SPEF2: variants seen among roughly 807,000 people sequenced by gnomAD.
SPEF2 encodes the protein sperm flagella and cilia-associated protein 2.
SPEF2 carries 187 observed loss-of-function variants against 224.6 expected under a neutral mutation model. The ratio of observed to expected loss-of-function variants is 0.83; its 90% CI spans 0.74 to 0.94. The LOEUF is 0.94. Ranked by LOEUF, SPEF2 falls within the 40% of genes least tolerant of loss-of-function variation. SPEF2 has a pLI of 0.00. For synonymous variants in SPEF2, 715 were observed against 707.3 expected (o/e 1.01, Z -0.17); for missense variants, 2,170 against 2,135.6 (o/e 1.02, Z -0.32).
chr5:35,658,588 T>C (rs920636439), intron 7 of SPEF2, among the ~76,000 whole-genome samples: 1 of 152,234 alleles, frequency 6.6e-6, no homozygotes, highest in Non-Finnish European at 1.5e-5. Flanking sequence ...GCACTTATTT[T>C]TTTTTTAACT....
chr5:35,695,704 A>G, intron 13 of SPEF2, 31 bp from the exon 14 acceptor site: 2 of 1,585,904 alleles, frequency 1.3e-6, no homozygotes, highest in Non-Finnish European at 1.7e-6. Context: ...AAATACCAGA[A>G]ATTTGTTCTT....
chr5:35,686,316 T>A (rs911756722), intron 10 of SPEF2, among the ~76,000 whole-genome samples: 5 of 152,150 alleles, frequency 3.3e-5, no homozygotes, highest in Non-Finnish European at 5.9e-5. Context: ...CCAAATAATC[T>A]TAAAATATAA....
chr5:35,667,283 A>T, intron 9 of SPEF2, 24 bp downstream of exon 9: 1 of 1,558,472 alleles, frequency 6.4e-7, no homozygotes, highest in Non-Finnish European at 8.8e-7. Flanking sequence ...TTGTAATAAC[A>T]GTAGAGACAC....
intron 12 of SPEF2, among the ~76,000 whole-genome samples, chr5:35,694,067 G>A (rs899065291): frequency 1.3e-5 from 2 of 152,136 alleles, no homozygotes; most frequent in Non-Finnish European, 2.9e-5. Context: ...TTACATCACA[G>A]GTTGCTGTGT....
At position 35,800,000 on chromosome 5, in the gene SPEF2, G is replaced by T; in HGVS notation, c.4863G>T (p.Lys1621Asn). 6.2e-7 allele frequency: 1 copy of T among 1,613,912 alleles called. No individual in the cohort carries two copies. The highest frequency in any genetic ancestry group is 2.2e-5 in the East Asian group (1 of 44,844). Residue 1621 changes from lysine (K) to asparagine (N), a missense_variant, in exon 34 of 37, where the codon AAG becomes AAT. Transcript: ENST00000356031. ...FFFRLFADYE[K>N]DPPQLDYTQM... ...TTAGGCTATTTGCTGACTATGAGAA[G>T]GATCCACCCCAGCTTGACTACACAC... is the stretch of plus-strand genomic sequence containing the variant.
chr5:35,734,700 CTTTTTTTTCTTTTT>C (rs1746245353), intron 21 of SPEF2, among the ~76,000 whole-genome samples: 1 of 29,362 alleles, frequency 3.4e-5, no homozygotes, highest in African/African-American at 6.3e-5. Context: ...GAATTGCTTT[CTTTTTTTTCTTTTT>C]TTTTTTTTTT....
intron 36 of SPEF2, among the ~76,000 whole-genome samples, chr5:35,811,767 C>CTTTTTTTTTT (rs1203514196): frequency 5.2e-5 from 6 of 115,436 alleles, no homozygotes; most frequent in African/African-American, 2.2e-4. Context: ...TTTGCCATTA[C>CTTTTTTTTTT]TTTTTTTTTT....
chr5:35,741,972 C>T (rs984402483), intron 23 of SPEF2, among the ~76,000 whole-genome samples: 8 of 151,882 alleles, frequency 5.3e-5, no homozygotes, highest in East Asian at 1.9e-4. Flanking sequence ...ATTCCAAATG[C>T]GACATATGTT....
chr5:35,706,368 C>G (rs912647006), intron 18 of SPEF2, among the ~76,000 whole-genome samples: 1 of 151,870 alleles, frequency 6.6e-6, no homozygotes, highest in Non-Finnish European at 1.5e-5. Flanking sequence ...ATCTTACCCA[C>G]ATAAAACTGC....
chr5:35,807,497 G>T, intron 36 of SPEF2: 4 of 919,446 alleles, frequency 4.4e-6, no homozygotes, highest in East Asian at 2.6e-5. Context: ...GACAGTGTTA[G>T]GATTGTCATT....
rs113301004 is a variant in SPEF2, at chr5:35,658,360, G to A, written c.979-659G>A. Among the ~76,000 whole-genome samples the A allele has an allele frequency of 4.3e-3, 661 of 152,208 alleles. 6 individuals carry two copies. Among genetic ancestry groups the A allele is most frequent in the African/African-American group, 0.015 (627 of 41,528 alleles). ...GATCACTCAGATAAGATAAGCAGTA[G>A]GTCATTTCCCCCAGCCTCTTCTCCA... On this transcript the variant is annotated intron_variant, in intron 7 of 36. Transcript: ENST00000356031.
intron 23 of SPEF2, among the ~76,000 whole-genome samples, chr5:35,751,742 T>C (rs1235752366): frequency 2.0e-5 from 3 of 152,108 alleles, no homozygotes; most frequent in African/African-American, 7.2e-5. Flanking sequence ...GTCACAGAAA[T>C]AAAATTCACT....
chr5:35,740,303 T>G, intron 23 of SPEF2, 36 bp downstream of exon 23: 1 of 1,610,422 alleles, frequency 6.2e-7, no homozygotes, highest in African/African-American at 1.3e-5. Flanking sequence ...CAGGGTTAGC[T>G]GGCTTTCATA....
chr5:35,683,197 G>A (rs1386081429), intron 10 of SPEF2, among the ~76,000 whole-genome samples: 2 of 152,106 alleles, frequency 1.3e-5, no homozygotes, highest in Non-Finnish European at 2.9e-5. Context: ...TGAGTGCTTT[G>A]GATCCAGGCT....
rs771393710 is a variant in SPEF2, at chr5:35,740,018, A to C, written c.3163A>C (p.Thr1055Pro). The change falls in exon 22 of 37, where the codon ACT (threonine) becomes CCT (proline). Residue 1055 changes from threonine (T) to proline (P), a missense_variant. By Grantham distance (38) the Thr-to-Pro change is conservative. Transcript: ENST00000356031. The stretch of plus-strand genomic sequence containing the variant: ...CAGGCATCTGAGGGAAGACCAGCAT[A>C]CTGTGCTTGCTTACTTATATGAGAT... ...VLRHLREDQH[T>P]VLAYLYEIRT... 1.2e-6 allele frequency: 2 copies of C among 1,614,146 alleles called. No individual in the cohort carries two copies. Among genetic ancestry groups the C allele is most frequent in the South Asian group, 1.1e-5 (1 of 91,082 alleles).
intron 23 of SPEF2, among the ~76,000 whole-genome samples, chr5:35,751,024 C>CACATATGT (rs1491524547): frequency 1.2e-5 from 1 of 85,690 alleles, no homozygotes; most frequent in Non-Finnish European, 2.2e-5. Context: ...TATATATATA[C>CACATATGT]GTATATATAT....
chr5:35,807,818 G>T, intron 36 of SPEF2: 3 of 1,532,564 alleles, frequency 2.0e-6, no homozygotes, highest in South Asian at 1.2e-5. Context: ...AGCAGGTCTG[G>T]ACCACACATG....
At chr5:35,786,345 G>T (rs1169322593) in intron 30 of SPEF2, among the ~76,000 whole-genome samples, 1 of 152,128 alleles carries the variant, frequency 6.6e-6, no homozygotes, top group Non-Finnish European at 1.5e-5. Flanking sequence ...TTTAACCAGA[G>T]CCGCAAAAAG....
chr5:35,661,257 TATATATA>T (rs1561152261), intron 8 of SPEF2, among the ~76,000 whole-genome samples: 1 of 6,234 alleles, frequency 1.6e-4, no homozygotes, highest in Non-Finnish European at 2.5e-4. Flanking sequence ...GTATATATTA[TATATATA>T]TATATATATA....
Sources: gnomAD v4.1 joint callset for allele counts (sites outside exome capture counted in the v4.1 genomes callset) on GRCh38, gnomAD v4.1.1 for gene constraint, MANE v1.5 for transcripts, NCBI Gene and HGNC (gene_info 2026-07-23, HGNC 2026-07-21) for gene names.